Variants in MYO1F observed in about 807,000 individuals in gnomAD.
MYO1F encodes the protein myosin IF.
In MYO1F, 60 loss-of-function variants were observed where a neutral mutation model predicts 146.6. That is an observed-to-expected ratio of 0.41 (90% CI 0.33 to 0.51). MYO1F has a LOEUF of 0.51. Among genes scored for constraint, MYO1F ranks in the 20% least tolerant of loss-of-function variants. The pLI is 0.25. For missense variants in MYO1F, 1,274 were observed against 1,534.3 expected (o/e 0.83, Z 2.83); for synonymous variants, 602 against 602.1 (o/e 1.00, Z 0.00).
At chr19:8,526,181 G>T (rs1433422739) in intron 24 of MYO1F, among the ~76,000 whole-genome samples, 3 of 152,186 alleles carry the variant, frequency 2.0e-5, no homozygotes, top group Non-Finnish European at 4.4e-5. Flanking sequence ...ACAAAAATTA[G>T]CTGGGCGCGG....
chr19:8,560,031 T>C (rs1974019162), intron 1 of MYO1F, among the ~76,000 whole-genome samples: 1 of 151,250 alleles, frequency 6.6e-6, no homozygotes, highest in African/African-American at 2.4e-5. Context: ...ATGTAGATGG[T>C]TGATACTGGC....
chr19:8,536,409 G>T lies in MYO1F; in HGVS notation c.1899-13C>A. ...CAGAATGGCATACCTGAGGGCGGAG[G>T]GCTGGGGTGTGGGAGTGCTCATAGC... On this transcript the variant is annotated splice_polypyrimidine_tract_variant and intron_variant, in intron 18 of 27. Transcript: ENST00000644032. 6.2e-7 allele frequency: 1 copy of T among 1,607,714 alleles called. No individual in the cohort carries two copies.
At chr19:8,536,721 G>T (rs866500029) in intron 17 of MYO1F, 124 bp from the exon 18 acceptor site, 63 of 313,508 alleles carry the variant, frequency 2.0e-4, no homozygotes, top group African/African-American at 1.7e-3. Flanking sequence ...AGTTTGGGGG[G>T]TGAGTTCTGT....
chr19:8,526,612 A>G lies in MYO1F; in HGVS notation c.2622-11T>C. The G allele has an allele frequency of 6.3e-7, 1 of 1,588,706 alleles. No homozygotes were observed. Among genetic ancestry groups the G allele is most frequent in the Non-Finnish European group, 8.5e-7 (1 of 1,169,734 alleles). ...ACCCGAAACTGTAGTCTATGGGGAG[A>G]GAAGAAAGCTTGGGGGCGCTGGCTG... On this transcript the variant is annotated splice_polypyrimidine_tract_variant and intron_variant, in intron 23 of 27. Transcript: ENST00000644032.
chr19:8,577,008 A>C lies in MYO1F; in HGVS notation c.3+299T>G. The C allele has an allele frequency of 1.8e-6, 1 of 570,792 alleles. No homozygotes were observed. The highest frequency in any genetic ancestry group is 3.1e-6 in the Non-Finnish European group (1 of 319,696). The allele number at this position is 570,792 out of a possible 1,614,324, so 35.4% of individuals were successfully genotyped here. ...CCTTAATTTGCAAGCAAAGGAGGCT[A>C]TGTCCTTGTCCCTGCAGACTCTGTG... On this transcript the variant is annotated intron_variant, in intron 1 of 27. Transcript: ENST00000644032. This position sits in a 1 kb window ranked among gnomAD's most constrained non-coding sequence, Gnocchi z 4.3.
intron 1 of MYO1F, among the ~76,000 whole-genome samples, chr19:8,575,002 C>T (rs1266324952): frequency 1.3e-5 from 2 of 151,776 alleles, no homozygotes; most frequent in Admixed American, 6.6e-5. Context: ...GTGATCCGCC[C>T]ACCTCGGCCT....
At chr19:8,543,732 G>C (rs60550068) in intron 14 of MYO1F, among the ~76,000 whole-genome samples, 3 of 11,804 alleles carry the variant, frequency 2.5e-4, no homozygotes, top group African/African-American at 1.3e-3. Context: ...GGTGCTGGTG[G>C]TGCTGGTGGT....
intron 1 of MYO1F, among the ~76,000 whole-genome samples, chr19:8,576,200 C>T (rs1428363011): frequency 1.3e-5 from 2 of 152,118 alleles, no homozygotes; most frequent in Non-Finnish European, 1.5e-5. Context: ...GGTTTCACCA[C>T]GTTGGCCAGG....
intron 4 of MYO1F, 46 bp downstream of exon 4, chr19:8,554,431 A>C: frequency 6.6e-7 from 1 of 1,512,662 alleles, no homozygotes; most frequent in South Asian, 1.1e-5. Flanking sequence ...ATGTTTCAGC[A>C]GGGGCCCGGG....
chr19:8,529,930 A>G, intron 21 of MYO1F: 1 of 598,888 alleles, frequency 1.7e-6, no homozygotes, highest in Non-Finnish European at 3.0e-6. Flanking sequence ...CCTGTGATGG[A>G]ACAGATGGAT....
intron 14 of MYO1F, 87 bp downstream of exon 14, chr19:8,544,210 G>A (rs996838063): frequency 1.2e-5 from 17 of 1,450,354 alleles, no homozygotes; most frequent in Admixed American, 6.8e-5. Flanking sequence ...GCTCTTTCCA[G>A]CCTGGGTGCT....
chr19:8,541,260 TG>T (rs1210040374), intron 15 of MYO1F, among the ~76,000 whole-genome samples: 1 of 148,018 alleles, frequency 6.8e-6, no homozygotes, highest in Non-Finnish European at 1.5e-5. Flanking sequence ...GTCTTAAACT[TG>T]GGACCTCCAG....
At chr19:8,528,499 G>T (rs1972356548) in intron 21 of MYO1F, among the ~76,000 whole-genome samples, 1 of 152,188 alleles carries the variant, frequency 6.6e-6, no homozygotes, top group East Asian at 1.9e-4. Flanking sequence ...CTGCACTCCA[G>T]CCTGGGCGAC....
chr19:8,569,610 G>T (rs1052576172), intron 1 of MYO1F, among the ~76,000 whole-genome samples: 1 of 152,096 alleles, frequency 6.6e-6, no homozygotes, highest in South Asian at 2.1e-4. Flanking sequence ...TGGGGGGCTC[G>T]GTGTTCCCCA....
rs375412458 is a variant in MYO1F, at chr19:8,522,244, G to C, written c.3220+133C>G. 8.7e-5 allele frequency: 98 copies of C among 1,122,644 alleles called. No homozygotes were observed. The African/African-American group carries it at 9.1e-4, about 10-fold the overall frequency. The allele number at this position is 1,122,644 out of a possible 1,614,324, so 69.5% of individuals were successfully genotyped here. A position where few individuals can be genotyped will look rare whatever the true frequency, so the allele number is the denominator to read the frequency against. ...TCACTGTGTTAGCCAGGATGGTCTC[G>C]ATCTCCTGACCTCGTGATCTGCCCG... On this transcript the variant is annotated intron_variant, in intron 27 of 27. Transcript: ENST00000644032.
In MYO1F at chr19:8,530,911, G is replaced by A. The variant is rs891400264; in HGVS notation, c.2044-338C>T. 1.3e-5 allele frequency among the ~76,000 whole-genome samples: 2 copies of A among 152,160 alleles called. No homozygotes were observed. The highest frequency in any genetic ancestry group is 3.9e-4 in the East Asian group (2 of 5,192). On this transcript the variant is annotated intron_variant, in intron 19 of 27. Transcript: ENST00000644032. This position sits in a 1 kb window ranked among gnomAD's most constrained non-coding sequence, Gnocchi z 5.8. ...AAAAAGAAATTAGCTGGGCATGGTGGTAGATGCCTGTGATCCCAGCTACTC... is the reference window on the plus strand; with the variant it reads ...AAAAAGAAATTAGCTGGGCATGGTGATAGATGCCTGTGATCCCAGCTACTC...
Position 8,554,683 on chromosome 19 carries a change from C to G in MYO1F, c.202G>C (p.Asp68His). Residue 68 changes from aspartate to histidine, a missense_variant, in exon 3 of 28, where the codon GAC (aspartate) becomes CAC (histidine). Physicochemically the swap from Asp to His is moderately conservative, Grantham distance 81 (BLOSUM62 -1). Coordinates refer to ENST00000644032, the MANE Select transcript of MYO1F (RefSeq NM_012335.4). ...CCCTGATAGAGGTCGATCTCACGGT[C>G]GGTGAAGTAGGGCATCTGCTTGAAG... ...NPFKQMPYFT[D>H]REIDLYQGAA... The G allele has an allele frequency of 6.2e-7, 1 of 1,613,880 alleles. No homozygotes were observed. Among genetic ancestry groups the G allele is most frequent in the Non-Finnish European group, 8.5e-7 (1 of 1,179,982 alleles).
rs1434404908 is a variant in MYO1F, at chr19:8,536,379, G to A, written c.1916C>T (p.Pro639Leu). ...KFLQRYAILT[P>L]ETWPRWRGDE... ...CCCACGCCACCGCGGCCACGTCTCG[G>A]GGGTCAGAATGGCATACCTGAGGGC... Residue 639 changes from proline to leucine, a missense_variant, in exon 19 of 28, where the codon CCC (proline) becomes CTC (leucine). Around this residue, in one of 2 missense-constraint regions of MYO1F, gnomAD observed 900 missense variants for 1,155.1 expected, o/e 0.78. Transcript: ENST00000644032. The A allele has an allele frequency of 6.2e-7, 1 of 1,606,288 alleles. No individual in the cohort carries two copies.
In MYO1F at chr19:8,577,124, G is replaced by C. The variant is rs144179441; in HGVS notation, c.3+183C>G. 8.2e-4 allele frequency: 587 copies of C among 715,890 alleles called. 2 individuals carry two copies. The African/African-American group carries it at 8.4e-3, about 10-fold the overall frequency. 44.3% of individuals were successfully genotyped at this position (715,890 alleles called of 1,614,324 possible). A position where few individuals can be genotyped will look rare whatever the true frequency, so the allele number is the denominator to read the frequency against. ...TGGCATCCCCACCACCTACAGATGG[G>C]AGCTTGCTCCCTGGTAAGGGATGCT... On this transcript the variant is annotated intron_variant, in intron 1 of 27. Transcript: ENST00000644032. The surrounding 1 kb of genome is among the most constrained non-coding windows in gnomAD (Gnocchi z 4.3).
Sources: allele counts gnomAD v4.1 joint callset (sites outside exome capture counted in the v4.1 genomes callset), GRCh38; gene constraint gnomAD v4.1.1; regional missense constraint gnomAD v4.1.1; non-coding constraint Gnocchi (gnomAD v3.1); transcripts MANE v1.5; gene names NCBI Gene and HGNC (gene_info 2026-07-23, HGNC 2026-07-21).